The following ARHGAP31 variants were observed in gnomAD, a reference collection of about 807,000 sequenced individuals.
The protein encoded by ARHGAP31 is rho GTPase-activating protein 31.
Under a neutral mutation model 113.9 loss-of-function variants are expected in ARHGAP31, and 34 were observed. That is an observed-to-expected ratio of 0.30 (90% CI 0.23 to 0.40). ARHGAP31 has a LOEUF of 0.40. ARHGAP31 is among the 10% of genes least tolerant of loss of function. The pLI, the probability that ARHGAP31 is intolerant of heterozygous loss-of-function variation, is 1.00. For missense variants in ARHGAP31, 1,548 were observed against 1,767.1 expected, an observed-to-expected ratio of 0.88 and a Z score of 2.22; for synonymous variants, 650 against 684.8, an observed-to-expected ratio of 0.95 and a Z score of 0.79.
rs542703203 is a variant in ARHGAP31, at chr3:119,378,864, A to G, written c.349-2040A>G. On this transcript the variant is annotated intron_variant, in intron 3 of 11. Coordinates refer to ENST00000264245, the MANE Select transcript of ARHGAP31 (RefSeq NM_020754.4). ...TTCTTGCCCCTACCCTTCACCCTGC[A>G]TATCTCATAAAGTGAGGATTGCAGC... is the stretch of plus-strand genomic sequence containing the variant. Among the ~76,000 whole-genome samples, 12 of 152,292 alleles carry G rather than the reference A, an allele frequency of 7.9e-5. No homozygotes were observed. The South Asian group carries it at 8.3e-4, about 11-fold the overall frequency.
chr3:119,393,941 A>G (rs540322726), intron 8 of ARHGAP31, among the ~76,000 whole-genome samples: 4 of 152,314 alleles, frequency 2.6e-5, no homozygotes, highest in African/African-American at 9.6e-5. Context: ...CTAGGATCCA[A>G]TCCAGGATCT....
Position 119,338,762 on chromosome 3 carries a change from A to T in ARHGAP31, c.101-26554A>T, listed in dbSNP as rs138329429. Reference sequence around the variant, plus strand: ...AAATACCAATGATTGCTGTTATTGCATTATACACTTATTACTGAACATAAA... The same window carrying T: ...AAATACCAATGATTGCTGTTATTGCTTTATACACTTATTACTGAACATAAA... On this transcript the variant is annotated intron_variant, in intron 1 of 11. Coordinates refer to ENST00000264245, the MANE Select transcript of ARHGAP31 (RefSeq NM_020754.4). Among the ~76,000 whole-genome samples the T allele has an allele frequency of 2.8e-4, 43 of 152,348 alleles. No homozygotes were observed. In the Middle Eastern group the frequency reaches 0.01, roughly 36 times the overall value.
chr3:119,322,388 T>C (rs1185485770), intron 1 of ARHGAP31, among the ~76,000 whole-genome samples: 1 of 152,162 alleles, frequency 6.6e-6, no homozygotes, highest in Non-Finnish European at 1.5e-5. Flanking sequence ...TGCTGCTCTG[T>C]TTTTAGAGCC....
At chr3:119,398,412 C>T (rs1219210618) in intron 8 of ARHGAP31, among the ~76,000 whole-genome samples, 2 of 152,182 alleles carry the variant, frequency 1.3e-5, no homozygotes, top group Non-Finnish European at 2.9e-5. Flanking sequence ...TCCTGGGCCT[C>T]CTGCTTCCAA....
intron 1 of ARHGAP31, among the ~76,000 whole-genome samples, chr3:119,302,384 T>C (rs2079592247): frequency 6.6e-6 from 1 of 152,238 alleles, no homozygotes; most frequent in Non-Finnish European, 1.5e-5. Flanking sequence ...AGATTTTTTT[T>C]TGTAAGAGCA....
intron 1 of ARHGAP31, among the ~76,000 whole-genome samples, chr3:119,324,504 C>T (rs2107604138): frequency 6.6e-6 from 1 of 152,290 alleles, no homozygotes; most frequent in Middle Eastern, 3.4e-3. Context: ...TAGGTAGATC[C>T]CCCAAAATCT....
rs149293876 is a variant in ARHGAP31 at position 119,308,914 on chromosome 3, C to T, written c.100+13910C>T. On this transcript the variant is annotated intron_variant, in intron 1 of 11. Coordinates refer to ENST00000264245, the MANE Select transcript of ARHGAP31 (RefSeq NM_020754.4). ...GGAGTGCAGTGGTACAATCTTGGCT[C>T]ACTGCAGCCTTGACTTCCTGGACTC... is the stretch of plus-strand genomic sequence containing the variant. Among the ~76,000 whole-genome samples the T allele has an allele frequency of 8.1e-3, 1,227 of 152,252 alleles. 11 individuals carry two copies. Among genetic ancestry groups the T allele is most frequent in the African/African-American group, 0.027 (1,113 of 41,530 alleles).
rs186634148 is a variant in ARHGAP31, at chr3:119,353,408, G to A, written c.101-11908G>A. ...GATATGTTCATACTGGCCAAGTGAC[G>A]TAATACCTCTGAGCTTCAGTTTCTT... is the stretch of plus-strand genomic sequence containing the variant. On this transcript the variant is annotated intron_variant, in intron 1 of 11. Transcript: ENST00000264245. Among the ~76,000 whole-genome samples the A allele has an allele frequency of 7.2e-5, 11 of 152,332 alleles. No homozygotes were observed. In the East Asian group the frequency reaches 1.5e-3, roughly 21 times the overall value.
chr3:119,388,477 G>A (rs1244148977), intron 6 of ARHGAP31, among the ~76,000 whole-genome samples: 1 of 152,068 alleles, frequency 6.6e-6, no homozygotes, highest in Non-Finnish European at 1.5e-5. Flanking sequence ...GTTTTGAGCA[G>A]GCCAGTGCAG....
chr3:119,322,367 A>G (rs2079796062), intron 1 of ARHGAP31, among the ~76,000 whole-genome samples: 1 of 152,228 alleles, frequency 6.6e-6, no homozygotes. Context: ...CGTCTAACCC[A>G]CAGTGACAAT....
At position 119,375,909 on chromosome 3, in the gene ARHGAP31, T is replaced by C. The variant is rs185926001; in HGVS notation, c.349-4995T>C. Among the ~76,000 whole-genome samples the C allele has an allele frequency of 7.2e-5, 11 of 152,268 alleles. No homozygotes were observed. In the East Asian group the frequency reaches 2.1e-3, roughly 29 times the overall value. The stretch of plus-strand genomic sequence containing the variant: ...TCTGTTCCTCAAGTCTGGAGTGCAG[T>C]GGTGTAATCATAACTCACTGTAACT... On this transcript the variant is annotated intron_variant, in intron 3 of 11. Transcript: ENST00000264245.
chr3:119,368,566 G>T, intron 3 of ARHGAP31, 50 bp downstream of exon 3: 1 of 1,603,564 alleles, frequency 6.2e-7, no homozygotes. Flanking sequence ...GCATGGATGG[G>T]CCAAGAAGAG....
At chr3:119,373,137 T>C (rs1034654710) in intron 3 of ARHGAP31, among the ~76,000 whole-genome samples, 29 of 152,160 alleles carry the variant, frequency 1.9e-4, no homozygotes, top group African/African-American at 6.0e-4. Flanking sequence ...ATAAACTATT[T>C]TTCTTTATAA....
chr3:119,317,174 T>C (rs1032345364), intron 1 of ARHGAP31, among the ~76,000 whole-genome samples: 6 of 141,702 alleles, frequency 4.2e-5, no homozygotes, highest in Non-Finnish European at 7.7e-5. Flanking sequence ...CATTTCTATT[T>C]TCTTTTTTCT....
intron 1 of ARHGAP31, among the ~76,000 whole-genome samples, chr3:119,324,441 A>T (rs2079823141): frequency 6.6e-6 from 1 of 152,234 alleles, no homozygotes; most frequent in Non-Finnish European, 1.5e-5. Context: ...ATGAAATACG[A>T]TAGTTATTGT....
Position 119,307,940 on chromosome 3 carries a change from C to CA in ARHGAP31, c.100+12956dup, listed in dbSNP as rs71156742. Among the ~76,000 whole-genome samples the CA allele has an allele frequency of 8.1e-4, 37 of 45,462 alleles. 3 individuals are homozygous for CA. Among genetic ancestry groups the CA allele is most frequent in the East Asian group, 2.2e-3 (2 of 908 alleles). 29.8% of individuals were successfully genotyped at this position (45,462 alleles called of 152,430 possible). ...AGTGAATCCAAGTATGAATTAACAG[C>CA]AAAAAAAAAAAAAAAAAAAAGCTCA... On this transcript the variant is annotated intron_variant, in intron 1 of 11. Transcript: ENST00000264245.
chr3:119,346,956 A>T (rs1382884615), intron 1 of ARHGAP31, among the ~76,000 whole-genome samples: 1 of 152,206 alleles, frequency 6.6e-6, no homozygotes, highest in Non-Finnish European at 1.5e-5. Flanking sequence ...ACATTCCAGA[A>T]TTCTGGTTGA....
intron 1 of ARHGAP31, among the ~76,000 whole-genome samples, chr3:119,317,280 G>A (rs766810750): frequency 6.6e-6 from 1 of 151,828 alleles, no homozygotes; most frequent in Non-Finnish European, 1.5e-5. Context: ...CTGGGTTCAC[G>A]CTATTCTCCT....
intron 1 of ARHGAP31, among the ~76,000 whole-genome samples, chr3:119,296,921 C>T (rs1238252350): frequency 6.6e-6 from 1 of 152,128 alleles, no homozygotes; most frequent in East Asian, 1.9e-4. Flanking sequence ...TTCCTCTGCC[C>T]TCCCTGGCTT....
Sources: gnomAD v4.1 joint callset for allele counts (sites outside exome capture counted in the v4.1 genomes callset) on GRCh38, gnomAD v4.1.1 for gene constraint, MANE v1.5 for transcripts, NCBI Gene and HGNC (gene_info 2026-07-23, HGNC 2026-07-21) for gene names.